The following HIVEP3 variants were observed in gnomAD, a reference collection of about 807,000 sequenced individuals.
HIVEP3 encodes HIVEP zinc finger 3.
In HIVEP3, 49 loss-of-function variants were observed where a neutral mutation model predicts 152.8. The ratio of observed to expected loss-of-function variants is 0.32; its 90% confidence interval spans 0.26 to 0.41. HIVEP3 has a LOEUF of 0.41. HIVEP3 is among the 10% of genes least tolerant of loss of function. The probability of loss-of-function intolerance (pLI) is 1.00; values close to 1 mark genes in which losing one functional copy is unlikely to be tolerated. For missense variants in HIVEP3, 2,790 were observed against 3,103.3 expected (o/e 0.90, Z 2.40); for synonymous variants, 1,269 against 1,289.0 (o/e 0.98, Z 0.33).
Position 41,891,907 on chromosome 1 carries a change from C to T in HIVEP3, c.-801+26506G>A, listed in dbSNP as rs117559184. ...AAGGAGTAAAACTCACGAGAGAAAG[C>T]GTCCTGGAGATTTTAAGGAGAAAGG... On this transcript the variant is annotated intron_variant, in intron 1 of 8. Coordinates refer to ENST00000372583, the MANE Select transcript of HIVEP3 (RefSeq NM_024503.5). Among the ~76,000 whole-genome samples the T allele has an allele frequency of 1.5e-4, 23 of 152,326 alleles. No homozygotes were observed. In the East Asian group the frequency reaches 4.2e-3, roughly 28 times the overall value.
intron 1 of HIVEP3, among the ~76,000 whole-genome samples, chr1:41,909,261 C>A (rs556396081): frequency 2.0e-5 from 3 of 152,076 alleles, no homozygotes; most frequent in South Asian, 4.2e-4. Flanking sequence ...ACCAACAGAC[C>A]CTCAATAAAG....
chr1:41,845,115 A>G (rs12564640), intron 1 of HIVEP3, among the ~76,000 whole-genome samples: 50,038 of 152,012 alleles, frequency 0.33, 8,508 homozygotes, highest in Non-Finnish European at 0.38. Flanking sequence ...CTCCCCTGAC[A>G]ACTCACTTGA....
intron 1 of HIVEP3, among the ~76,000 whole-genome samples, chr1:41,888,776 C>A (rs1200360493): frequency 7.9e-6 from 1 of 126,562 alleles, no homozygotes; most frequent in African/African-American, 3.1e-5. Context: ...TGCGCACCCC[C>A]ACATACCTCA....
intron 1 of HIVEP3, among the ~76,000 whole-genome samples, chr1:41,885,492 C>G (rs1160644054): frequency 2.0e-5 from 3 of 152,084 alleles, no homozygotes; most frequent in Non-Finnish European, 2.9e-5. Flanking sequence ...ATGGGGAAAC[C>G]CTGTCTGTAC....
At chr1:41,748,395 A>T (rs1029345956) in intron 1 of HIVEP3, among the ~76,000 whole-genome samples, 2 of 152,164 alleles carry the variant, frequency 1.3e-5, no homozygotes, top group African/African-American at 2.4e-5. Flanking sequence ...TCTGTTCATG[A>T]CCATGGAGAG....
At position 41,993,237 on chromosome 1, in the gene HIVEP3, C is replaced by T. The variant is rs1456213658; in HGVS notation, n.119+42570G>A. Among the ~76,000 whole-genome samples the T allele has an allele frequency of 5.5e-3, 837 of 151,472 alleles. 8 individuals carry two copies. The highest frequency in any genetic ancestry group is 0.019 in the African/African-American group (783 of 41,266). On this transcript the variant is annotated intron_variant and non_coding_transcript_variant, in intron 1 of 3. Coordinates refer to the HIVEP3 transcript ENST00000489103. ...AACCTACAAAATGGGAGAAAATTTT[C>T]GCAACCGACTCATCTGACAAAGGGC...
intron 1 of HIVEP3, among the ~76,000 whole-genome samples, chr1:41,706,256 C>T (rs1443120366): frequency 2.0e-5 from 3 of 152,104 alleles, no homozygotes; most frequent in Non-Finnish European, 2.9e-5. Flanking sequence ...TTGTTCTCAT[C>T]GTTGTGTCCG....
chr1:42,003,892 A>G (rs1026726618), intron 1 of HIVEP3, among the ~76,000 whole-genome samples: 1 of 152,088 alleles, frequency 6.6e-6, no homozygotes, highest in African/African-American at 2.4e-5. Flanking sequence ...TAGTTAAATT[A>G]AGCTGCTGTT....
intron 1 of HIVEP3, among the ~76,000 whole-genome samples, chr1:42,032,320 C>T (rs117950196): frequency 0.024 from 3,617 of 152,292 alleles, 60 homozygotes; most frequent in Middle Eastern, 0.065. Context: ...TCACTGCCAC[C>T]TCCTTCACCT....
chr1:41,811,351 G>A (rs1282053686), intron 1 of HIVEP3, among the ~76,000 whole-genome samples: 1 of 150,920 alleles, frequency 6.6e-6, no homozygotes, highest in African/African-American at 2.4e-5. Context: ...CATGTCTTCT[G>A]CTTGCTTGTT....
intron 1 of HIVEP3, among the ~76,000 whole-genome samples, chr1:41,955,578 C>T (rs1218179570): frequency 6.6e-6 from 1 of 152,222 alleles, no homozygotes; most frequent in Admixed American, 6.5e-5. Flanking sequence ...CCATGCAGGG[C>T]ACATCCTGAA....
chr1:41,771,443 A>G (rs1429199029), intron 1 of HIVEP3, among the ~76,000 whole-genome samples: 1 of 152,142 alleles, frequency 6.6e-6, no homozygotes, highest in Non-Finnish European at 1.5e-5. Flanking sequence ...TCTCCTCCGG[A>G]GCTCAGGCCT....
At chr1:41,733,150 A>G (rs1290593536) in intron 1 of HIVEP3, among the ~76,000 whole-genome samples, 1 of 151,332 alleles carries the variant, frequency 6.6e-6, no homozygotes, top group East Asian at 1.9e-4. Flanking sequence ...CATTGCCCCC[A>G]GGGACTGCTG....
intron 1 of HIVEP3, among the ~76,000 whole-genome samples, chr1:41,772,000 G>A (rs940907453): frequency 6.6e-6 from 1 of 152,092 alleles, no homozygotes; most frequent in Admixed American, 6.5e-5. Flanking sequence ...CCCTCTCTTG[G>A]GTCCAGTTTG....
chr1:41,822,683 A>T (rs980896026), intron 1 of HIVEP3, among the ~76,000 whole-genome samples: 1 of 152,200 alleles, frequency 6.6e-6, no homozygotes, highest in Non-Finnish European at 1.5e-5. Context: ...TTTGGGGGTT[A>T]TCAGTGTAGT....
chr1:42,029,527 A>G (rs571781461), intron 1 of HIVEP3, among the ~76,000 whole-genome samples: 6 of 152,356 alleles, frequency 3.9e-5, no homozygotes, highest in Admixed American at 3.3e-4. Flanking sequence ...GAAAGGCATG[A>G]TACTTGAAAA....
At chr1:41,824,774 T>TAGAG (rs1642726601) in intron 1 of HIVEP3, among the ~76,000 whole-genome samples, 6 of 12,832 alleles carry the variant, frequency 4.7e-4, no homozygotes, top group South Asian at 5.3e-3. Context: ...TATATATATA[T>TAGAG]ATATATATAT....
chr1:41,998,887 C>CTTTTTTTTTTTTTTTTTTTTTTT (rs1184823372), intron 1 of HIVEP3, among the ~76,000 whole-genome samples: 1 of 77,312 alleles, frequency 1.3e-5, no homozygotes, highest in Admixed American at 1.5e-4. Flanking sequence ...TTTTCTCTCT[C>CTTTTTTTTTTTTTTTTTTTTTTT]TCTTTTTTTT....
At chr1:41,755,871 G>A (rs561966507) in intron 1 of HIVEP3, among the ~76,000 whole-genome samples, 12 of 152,254 alleles carry the variant, frequency 7.9e-5, no homozygotes, top group Admixed American at 2.6e-4. Context: ...GTCCATTGCC[G>A]GTGGGAATAT....
Sources: allele counts gnomAD v4.1 joint callset (sites outside exome capture counted in the v4.1 genomes callset), GRCh38; gene constraint gnomAD v4.1.1; transcripts MANE v1.5; gene names NCBI Gene and HGNC (gene_info 2026-07-23, HGNC 2026-07-21).